The following ZMAT4 variants were observed in gnomAD, a reference collection of about 807,000 sequenced individuals.
ZMAT4 encodes the protein zinc finger matrin-type protein 4.
Under a neutral mutation model 28.7 loss-of-function variants are expected in ZMAT4, and 17 were observed. The observed-to-expected ratio is 0.59, with a 90% CI of 0.41 to 0.89. ZMAT4 has a LOEUF of 0.89. ZMAT4 is among the 40% of genes least tolerant of loss of function. The pLI, the probability that ZMAT4 is intolerant of heterozygous loss-of-function variation, is 0.00. For missense variants in ZMAT4, 240 were observed against 283.8 expected, an observed-to-expected ratio of 0.85 and a Z score of 1.11; for synonymous variants, 117 against 109.2, an observed-to-expected ratio of 1.07 and a Z score of -0.44.
At chr8:40,734,977 G>A (rs61142750) in intron 3 of ZMAT4, among the ~76,000 whole-genome samples, 36,717 of 152,070 alleles carry the variant, frequency 0.24, 4,991 homozygotes, top group East Asian at 0.56. Flanking sequence ...TGCTATTTCA[G>A]ACTCTTTGTT....
chr8:40,621,778 G>C (rs1439712123), intron 5 of ZMAT4, among the ~76,000 whole-genome samples: 2 of 152,142 alleles, frequency 1.3e-5, no homozygotes, highest in East Asian at 3.9e-4. Flanking sequence ...ACTTGGACCA[G>C]ATCTGTGAGA....
At chr8:40,662,320 T>C (rs1808238093) in intron 5 of ZMAT4, among the ~76,000 whole-genome samples, 1 of 152,164 alleles carries the variant, frequency 6.6e-6, no homozygotes, top group Non-Finnish European at 1.5e-5. Flanking sequence ...TGTTTTGTTG[T>C]TGCTTTTGCC....
chr8:40,616,481 C>T (rs1345359328), intron 5 of ZMAT4, among the ~76,000 whole-genome samples: 2 of 152,102 alleles, frequency 1.3e-5, no homozygotes, highest in Non-Finnish European at 2.9e-5. Flanking sequence ...GAATTGGAAC[C>T]AACCCAAATG....
At chr8:40,589,228 G>A (rs999259848) in intron 5 of ZMAT4, among the ~76,000 whole-genome samples, 4 of 152,038 alleles carry the variant, frequency 2.6e-5, no homozygotes, top group East Asian at 3.9e-4. Context: ...TTGTTATACC[G>A]ATTTAACAGA....
At chr8:40,662,024 T>G (rs1167327991) in intron 5 of ZMAT4, among the ~76,000 whole-genome samples, 2 of 152,302 alleles carry the variant, frequency 1.3e-5, no homozygotes, top group Non-Finnish European at 2.9e-5. Flanking sequence ...TCACCCAGGC[T>G]GGAGTGCAGT....
chr8:40,813,645 GGC>G (rs1815417293), intron 2 of ZMAT4, among the ~76,000 whole-genome samples: 1 of 152,258 alleles, frequency 6.6e-6, no homozygotes, highest in South Asian at 2.1e-4. Flanking sequence ...CTGGCTTTAG[GGC>G]CAGAGACCCG....
intron 6 of ZMAT4, among the ~76,000 whole-genome samples, chr8:40,553,607 A>G (rs1585676022): frequency 6.6e-6 from 1 of 152,296 alleles, no homozygotes; most frequent in African/African-American, 2.4e-5. Flanking sequence ...TTCATGCCTG[A>G]TATCATTTCA....
At chr8:40,782,972 T>C (rs936199042) in intron 2 of ZMAT4, among the ~76,000 whole-genome samples, 3 of 152,184 alleles carry the variant, frequency 2.0e-5, no homozygotes, top group African/African-American at 7.2e-5. Context: ...GGTGGGAACA[T>C]AAAATGGTGT....
chr8:40,871,456 G>T (rs561968454), intron 1 of ZMAT4, among the ~76,000 whole-genome samples: 1 of 152,190 alleles, frequency 6.6e-6, no homozygotes, highest in African/African-American at 2.4e-5. Flanking sequence ...AAAAAAGACA[G>T]CCATGTTTCT....
intron 6 of ZMAT4, among the ~76,000 whole-genome samples, chr8:40,560,197 T>TTATA (rs4038742): frequency 0.026 from 3,648 of 141,984 alleles, 57 homozygotes; most frequent in East Asian, 0.082. Flanking sequence ...TTGTCAAACT[T>TTATA]TATATATATA....
chr8:40,743,765 G>C (rs1323146869), intron 3 of ZMAT4, among the ~76,000 whole-genome samples: 2 of 152,100 alleles, frequency 1.3e-5, no homozygotes, highest in African/African-American at 2.4e-5. Context: ...ATGGGGACTG[G>C]GGCACGGGGA....
At chr8:40,543,891 A>G (rs1237416820) in intron 6 of ZMAT4, among the ~76,000 whole-genome samples, 1 of 152,214 alleles carries the variant, frequency 6.6e-6, no homozygotes, top group East Asian at 1.9e-4. Flanking sequence ...GAATACTATC[A>G]TCATGGACTT....
intron 1 of ZMAT4, among the ~76,000 whole-genome samples, chr8:40,880,362 T>C (rs2150662349): frequency 1.4e-5 from 2 of 143,008 alleles, no homozygotes; most frequent in East Asian, 4.1e-4. Flanking sequence ...AGAGCGAAAC[T>C]CCATCTCAAA....
chr8:40,706,245 G>A (rs1489709111), intron 3 of ZMAT4, among the ~76,000 whole-genome samples: 2 of 152,054 alleles, frequency 1.3e-5, no homozygotes, highest in African/African-American at 2.4e-5. Flanking sequence ...TAGTAGAGAC[G>A]GGGTTTCACC....
intron 5 of ZMAT4, among the ~76,000 whole-genome samples, chr8:40,667,032 A>G (rs750640543): frequency 6.6e-6 from 1 of 152,170 alleles, no homozygotes; most frequent in Non-Finnish European, 1.5e-5. Flanking sequence ...GACTGCACGC[A>G]TGGCGCCATT....
chr8:40,709,643 A>G (rs1810515978), intron 3 of ZMAT4, among the ~76,000 whole-genome samples: 1 of 152,202 alleles, frequency 6.6e-6, no homozygotes, highest in Admixed American at 6.5e-5. Flanking sequence ...ACAGGCCAGA[A>G]CTCAGGGAAG....
chr8:40,889,127 C>A (rs1379117252), intron 1 of ZMAT4, among the ~76,000 whole-genome samples: 1 of 152,182 alleles, frequency 6.6e-6, no homozygotes, highest in Non-Finnish European at 1.5e-5. Context: ...ATGTGATGCA[C>A]CCCTTGAAAT....
intron 6 of ZMAT4, among the ~76,000 whole-genome samples, chr8:40,558,036 C>T (rs1175682195): frequency 1.3e-5 from 2 of 152,082 alleles, no homozygotes; most frequent in Non-Finnish European, 2.9e-5. Context: ...GGGGGCAGTG[C>T]ACATCAGAAA....
intron 5 of ZMAT4, among the ~76,000 whole-genome samples, chr8:40,672,124 T>C (rs1299643356): frequency 1.6e-4 from 25 of 152,042 alleles, no homozygotes; most frequent in Admixed American, 1.6e-3. Context: ...AACAAGACAG[T>C]GTTTAAAAAT....
Sources: allele counts gnomAD v4.1 joint callset (sites outside exome capture counted in the v4.1 genomes callset), GRCh38; gene constraint gnomAD v4.1.1; transcripts MANE v1.5; gene names NCBI Gene and HGNC (gene_info 2026-07-23, HGNC 2026-07-21).